MAP3K20: variants seen among roughly 807,000 people sequenced by gnomAD.
The protein encoded by MAP3K20 is mitogen-activated protein kinase kinase kinase 20.
In MAP3K20, 40 loss-of-function variants were observed where a neutral mutation model predicts 85.7. The observed-to-expected ratio is 0.47, with a 90% CI of 0.36 to 0.61. The LOEUF (loss-of-function observed/expected upper bound fraction) is 0.61, where lower values mean the gene tolerates loss of function less well. MAP3K20 is among the 20% of genes least tolerant of loss of function. MAP3K20 has a pLI of 0.00. For missense variants in MAP3K20, 817 were observed against 961.7 expected, an observed-to-expected ratio of 0.85 and a Z score of 1.99; for synonymous variants, 325 against 327.7, an observed-to-expected ratio of 0.99 and a Z score of 0.09.
At chr2:173,180,281 A>T (rs1270827054) in intron 3 of MAP3K20, among the ~76,000 whole-genome samples, 1 of 152,238 alleles carries the variant, frequency 6.6e-6, no homozygotes, top group Admixed American at 6.5e-5. Context: ...GACCAAAGGA[A>T]CACAATTAAA....
chr2:173,090,974 T>C (rs1687279576), intron 1 of MAP3K20, 24 bp from the exon 2 acceptor site: 1 of 1,558,118 alleles, frequency 6.4e-7, no homozygotes, highest in South Asian at 1.2e-5. Context: ...GTAATTCAGC[T>C]TTTCTTTTTC....
At position 173,089,678 on chromosome 2, in the gene MAP3K20, G is replaced by A. The variant is rs117711883; in HGVS notation, c.-34-1320G>A. On this transcript the variant is annotated intron_variant, in intron 1 of 19. Coordinates refer to ENST00000375213, the MANE Select transcript of MAP3K20 (RefSeq NM_016653.3). The stretch of plus-strand genomic sequence containing the variant: ...GCTCACTGCAACCTCCACCTCCTGG[G>A]TTCAGGGAATTCTCATGTCTCAGCC... Among the ~76,000 whole-genome samples, 563 of 152,046 alleles carry A rather than the reference G, an allele frequency of 3.7e-3. 3 individuals are homozygous for A. Among genetic ancestry groups the A allele is most frequent in the African/African-American group, 0.012 (509 of 41,480 alleles).
At chr2:173,196,844 T>TGTCA (rs1690859624) in intron 7 of MAP3K20, among the ~76,000 whole-genome samples, 1 of 152,134 alleles carries the variant, frequency 6.6e-6, no homozygotes. Context: ...TCTCAAGTAC[T>TGTCA]GTCACTTTCC....
intron 1 of MAP3K20, among the ~76,000 whole-genome samples, chr2:173,078,602 G>A (rs968065703): frequency 6.6e-6 from 1 of 152,162 alleles, no homozygotes; most frequent in Non-Finnish European, 1.5e-5. Context: ...GGATGCTGAA[G>A]CATCGTCCTA....
rs1298925290 is a variant in MAP3K20 at position 173,134,412 on chromosome 2, A to T, written c.160-35393A>T. Among the ~76,000 whole-genome samples the T allele has an allele frequency of 8.5e-3, 48 of 5,646 alleles. 2 individuals carry two copies. Among genetic ancestry groups the T allele is most frequent in the Non-Finnish European group, 0.016 (33 of 2,084 alleles). 3.7% of individuals were successfully genotyped at this position (5,646 alleles called of 152,430 possible). A position where few individuals can be genotyped will look rare whatever the true frequency, so the allele number is the denominator to read the frequency against. ...TCTATACATATATATATATATATAT[A>T]TATATATATATATATATTTTTTTTT... is the stretch of plus-strand genomic sequence containing the variant. On this transcript the variant is annotated intron_variant, in intron 2 of 19. Coordinates refer to ENST00000375213, the MANE Select transcript of MAP3K20 (RefSeq NM_016653.3).
intron 2 of MAP3K20, among the ~76,000 whole-genome samples, chr2:173,113,831 T>G (rs1037276513): frequency 6.6e-6 from 1 of 152,146 alleles, no homozygotes; most frequent in African/African-American, 2.4e-5. Context: ...TGGAGAAAGT[T>G]CCATACACTG....
At position 173,244,773 on chromosome 2, in the gene MAP3K20, C is replaced by T. The variant is rs542289850; in HGVS notation, c.1359+5277C>T. Among the ~76,000 whole-genome samples the T allele has an allele frequency of 6.9e-4, 105 of 152,226 alleles. No individual in the cohort carries two copies. In the Middle Eastern group the frequency reaches 0.017, roughly 25 times the overall value. ...GCTTTGAATTGAAATTTCAGTTCCC[C>T]ACACGAAAACCTTGTTGCCTTGGGC... On this transcript the variant is annotated intron_variant, in intron 16 of 19. Coordinates refer to ENST00000375213, the MANE Select transcript of MAP3K20 (RefSeq NM_016653.3).
chr2:173,211,921 A>G (rs931581315), intron 10 of MAP3K20: 1 of 152,196 alleles, frequency 6.6e-6, no homozygotes. Context: ...CTCAAAAAAA[A>G]AGAAGTAATT....
intron 17 of MAP3K20, 89 bp downstream of exon 17, chr2:173,258,904 C>A (rs368367545): frequency 3.7e-6 from 3 of 820,694 alleles, no homozygotes; most frequent in Non-Finnish European, 6.1e-6. Flanking sequence ...TGCTTTTGTG[C>A]TTGTCCATGC....
At chr2:173,172,705 C>T (rs566654621) in intron 3 of MAP3K20, among the ~76,000 whole-genome samples, 13 of 152,200 alleles carry the variant, frequency 8.5e-5, no homozygotes, top group African/African-American at 2.9e-4. Context: ...GGGAAATGAA[C>T]ATCTTTCTCC....
At chr2:173,115,797 C>T (rs1688104752) in intron 2 of MAP3K20, among the ~76,000 whole-genome samples, 1 of 152,094 alleles carries the variant, frequency 6.6e-6, no homozygotes, top group Non-Finnish European at 1.5e-5. Flanking sequence ...TGGATCCCAG[C>T]ACCTGTTCTG....
intron 2 of MAP3K20, among the ~76,000 whole-genome samples, chr2:173,165,977 G>A (rs1033365986): frequency 2.6e-5 from 4 of 152,116 alleles, no homozygotes; most frequent in African/African-American, 9.7e-5. Flanking sequence ...TGCCTGGCCA[G>A]TGGCATTTAT....
At chr2:173,224,639 T>C in intron 11 of MAP3K20, 1 of 985,404 alleles carries the variant, frequency 1.0e-6, no homozygotes, top group Non-Finnish European at 1.2e-6. Context: ...AGCTTAAAAT[T>C]GTTCTCCTCG....
In MAP3K20 at chr2:173,221,284, T is replaced by G. The variant is rs371326554; in HGVS notation, c.987+4034T>G. ...GGGAGGGCCATGGCATGAACCCAAG[T>G]CTGCAGGCCATGATGCTGATGGGCT... On this transcript the variant is annotated intron_variant, in intron 11 of 19. Transcript: ENST00000375213. 11 of 1,614,032 alleles carry G rather than the reference T, an allele frequency of 6.8e-6. No individual in the cohort carries two copies. In the African/African-American group the frequency reaches 1.2e-4, roughly 18 times the overall value.
At chr2:173,076,131 GCTCCTC>G (rs1686848637) in intron 1 of MAP3K20, 129 bp downstream of exon 1, 1 of 608,580 alleles carries the variant, frequency 1.6e-6, no homozygotes, top group African/African-American at 2.0e-5. Context: ...GCCTCGGGAG[GCTCCTC>G]GGGGCTCCCC....
intron 2 of MAP3K20, among the ~76,000 whole-genome samples, chr2:173,149,356 G>A (rs1330776891): frequency 6.6e-6 from 1 of 152,040 alleles, no homozygotes; most frequent in Non-Finnish European, 1.5e-5. Context: ...GGACATTAGT[G>A]GAGAAAATGG....
chr2:173,184,771 G>A (rs757942032), intron 4 of MAP3K20, among the ~76,000 whole-genome samples: 4 of 151,998 alleles, frequency 2.6e-5, no homozygotes, highest in Non-Finnish European at 4.4e-5. Context: ...TTAGCTGGGC[G>A]TGGTGGTGCA....
chr2:173,178,228 A>C (rs1199867744), intron 3 of MAP3K20, among the ~76,000 whole-genome samples: 2 of 152,260 alleles, frequency 1.3e-5, no homozygotes, highest in Non-Finnish European at 2.9e-5. Context: ...GTTTATAAGG[A>C]TTATAAAGAA....
intron 12 of MAP3K20, 62 bp downstream of exon 12, chr2:173,229,795 AGTTT>A: frequency 6.3e-7 from 1 of 1,578,668 alleles, no homozygotes; most frequent in Non-Finnish European, 8.7e-7. Context: ...TTTTTCCCTA[AGTTT>A]TTAGGGGAAG....
Sources: allele counts gnomAD v4.1 joint callset (sites outside exome capture counted in the v4.1 genomes callset), GRCh38; gene constraint gnomAD v4.1.1; transcripts MANE v1.5; gene names NCBI Gene and HGNC (gene_info 2026-07-23, HGNC 2026-07-21).